EGFR: variants seen among roughly 807,000 people sequenced by gnomAD.
EGFR encodes epidermal growth factor receptor.
In EGFR, 58 loss-of-function variants were observed where a neutral mutation model predicts 143.0. That is an observed-to-expected ratio of 0.41 (90% CI 0.33 to 0.50). EGFR has a LOEUF of 0.50. EGFR is among the 20% of genes least tolerant of loss of function. EGFR has a pLI of 0.39. For missense variants in EGFR, 1,307 were observed against 1,579.0 expected (o/e 0.83, Z 2.92); for synonymous variants, 613 against 594.4 (o/e 1.03, Z -0.45).
chr7:55,189,324 G>A lies in EGFR; in HGVS notation c.2470-2395G>A, dbSNP rs370626474. Among the ~76,000 whole-genome samples, 16 of 152,134 alleles carry A rather than the reference G, an allele frequency of 1.1e-4. 1 individual carries two copies. Among genetic ancestry groups the A allele is most frequent in the Admixed American group, 7.9e-4 (12 of 15,276 alleles). On this transcript the variant is annotated intron_variant, in intron 20 of 27. Coordinates refer to ENST00000275493, the MANE Select transcript of EGFR (RefSeq NM_005228.5). ...CCCCAGGTCATCTAACGAGGTGGTCGTGTGGGGACTGGGATAGAAAAGGTG... is the reference window on the plus strand; with the variant it reads ...CCCCAGGTCATCTAACGAGGTGGTCATGTGGGGACTGGGATAGAAAAGGTG...
chr7:55,195,715 T>A (rs940744752), intron 22 of EGFR, among the ~76,000 whole-genome samples: 1 of 152,162 alleles, frequency 6.6e-6, no homozygotes, highest in African/African-American at 2.4e-5. Context: ...TGTTCCCCTC[T>A]AAGTGTCCAT....
At chr7:55,148,355 C>T (rs1248196308) in intron 4 of EGFR, among the ~76,000 whole-genome samples, 12 of 151,896 alleles carry the variant, frequency 7.9e-5, no homozygotes, top group Non-Finnish European at 1.8e-4. Flanking sequence ...TGGCAGGTCT[C>T]CATGTTCTGT....
Position 55,161,542 on chromosome 7 carries a change from C to T in EGFR, c.1542C>T (p.Gly514=), listed in dbSNP as rs1482236193. The T allele has an allele frequency of 6.2e-7, 1 of 1,614,274 alleles. No individual in the cohort carries two copies. ...GCCATGCCTTGTGCTCCCCCGAGGG[C>T]TGCTGGGGCCCGGAGCCCAGGGACT... ...QVCHALCSPE[G]CWGPEPRDCV... The change falls in exon 13 of 28, where the codon GGC becomes GGT. Residue 514 remains glycine (G), a synonymous_variant. Coordinates refer to ENST00000275493, the MANE Select transcript of EGFR (RefSeq NM_005228.5).
rs748219780 is a variant in EGFR at position 55,163,779 on chromosome 7, C to T, written c.1678C>T (p.Pro560Ser). The change falls in exon 14 of 28, where the codon CCA becomes TCA. Residue 560 changes from proline (P) to serine (S), a missense_variant. Transcript: ENST00000275493. The part of the protein sequence containing the change: ...VENSECIQCH[P>S]ECLPQAMNIT... ...GAACTCTGAGTGCATACAGTGCCAC[C>T]CAGAGTGCCTGCCTCAGGCCATGAA... The T allele has an allele frequency of 6.2e-7, 1 of 1,614,198 alleles. No individual in the cohort carries two copies. Among genetic ancestry groups the T allele is most frequent in the South Asian group, 1.1e-5 (1 of 91,084 alleles).
intron 3 of EGFR, among the ~76,000 whole-genome samples, chr7:55,143,909 G>A (rs562773048): frequency 1.4e-4 from 22 of 152,238 alleles, no homozygotes; most frequent in African/African-American, 3.6e-4. Context: ...TTCGAGAGTC[G>A]CGCTGCTACA....
In EGFR at chr7:55,151,265, G is replaced by C. The variant is rs756965461; in HGVS notation, c.560-29G>C. On this transcript the variant is annotated intron_variant, in intron 4 of 27. Transcript: ENST00000275493. Reference sequence around the variant, plus strand: ...CATCAGTTTCTCATCATTTCACTGAGATATGCATCTATTACTTTTACATTT... The same window carrying C: ...CATCAGTTTCTCATCATTTCACTGACATATGCATCTATTACTTTTACATTT... 11 of 1,610,736 alleles carry C rather than the reference G, an allele frequency of 6.8e-6. No homozygotes were observed. In the South Asian group the frequency reaches 1.2e-4, roughly 18 times the overall value.
At chr7:55,022,377 G>A (rs938212585) in intron 1 of EGFR, among the ~76,000 whole-genome samples, 6 of 150,440 alleles carry the variant, frequency 4.0e-5, no homozygotes, top group African/African-American at 1.2e-4. Context: ...ACCAAAGTGG[G>A]GATATTAATG....
intron 15 of EGFR, among the ~76,000 whole-genome samples, chr7:55,170,089 G>A (rs898819604): frequency 1.3e-5 from 2 of 152,086 alleles, no homozygotes; most frequent in African/African-American, 4.8e-5. Flanking sequence ...CTGTGTGTTT[G>A]GTTTATGAAC....
intron 1 of EGFR, among the ~76,000 whole-genome samples, chr7:55,078,137 T>A (rs1790236083): frequency 6.6e-6 from 1 of 152,088 alleles, no homozygotes; most frequent in Non-Finnish European, 1.5e-5. Flanking sequence ...CACCGTGCCG[T>A]GTTCCTGTCC....
At chr7:55,057,327 G>A (rs1349009519) in intron 1 of EGFR, among the ~76,000 whole-genome samples, 10 of 152,258 alleles carry the variant, frequency 6.6e-5, no homozygotes, top group Admixed American at 1.3e-4. Flanking sequence ...ATCCATACCC[G>A]CAATCACCAG....
intron 1 of EGFR, among the ~76,000 whole-genome samples, chr7:55,080,067 T>A (rs1331688559): frequency 6.6e-6 from 1 of 152,212 alleles, no homozygotes; most frequent in African/African-American, 2.4e-5. Flanking sequence ...GTTTGAGAAG[T>A]CTGCACCAAA....
chr7:55,144,339 G>A (rs1017642872), intron 3 of EGFR, among the ~76,000 whole-genome samples: 11 of 152,192 alleles, frequency 7.2e-5, no homozygotes, highest in Non-Finnish European at 1.5e-4. Context: ...CTCTGCCATC[G>A]TACAAATAAA....
At position 55,171,207 on chromosome 7, in the gene EGFR, C is replaced by T. The variant is rs571064657; in HGVS notation, c.1913C>T (p.Thr638Met). The change falls in exon 16 of 28, where the codon ACG (threonine) becomes ATG (methionine). Residue 638 changes from threonine (T) to methionine (M), a missense_variant. Coordinates refer to ENST00000275493, the MANE Select transcript of EGFR (RefSeq NM_005228.5). The stretch of plus-strand genomic sequence containing the variant: ...GGGCCAGGTCTTGAAGGCTGTCCAA[C>T]GAATGGGTAAGTGTTCACAGCTCTG... ...CTGPGLEGCP[T>M]NGPKIPSIAT... is the part of the protein sequence containing the mutation. The T allele has an allele frequency of 7.4e-6, 12 of 1,614,218 alleles. No individual in the cohort carries two copies. The highest frequency in any genetic ancestry group is 3.3e-4 in the Middle Eastern group (2 of 6,062).
At chr7:55,109,682 C>T in intron 1 of EGFR, 1 of 967,080 alleles carries the variant, frequency 1.0e-6, no homozygotes, top group Non-Finnish European at 1.2e-6. Flanking sequence ...GATATCCTCT[C>T]CTGGTTTAGG....
chr7:55,124,262 A>T (rs1793387361), intron 1 of EGFR, among the ~76,000 whole-genome samples: 1 of 152,194 alleles, frequency 6.6e-6, no homozygotes, highest in Admixed American at 6.5e-5. Flanking sequence ...TTGTTCCAAC[A>T]TGTTTTATTG....
At chr7:55,137,181 TG>T (rs1196686934) in intron 1 of EGFR, among the ~76,000 whole-genome samples, 1 of 152,068 alleles carries the variant, frequency 6.6e-6, no homozygotes, top group Non-Finnish European at 1.5e-5. Context: ...ACCTCGAAGA[TG>T]CAAAGGAAGC....
At chr7:55,094,844 T>C (rs1467474908) in intron 1 of EGFR, among the ~76,000 whole-genome samples, 2 of 152,196 alleles carry the variant, frequency 1.3e-5, no homozygotes, top group African/African-American at 2.4e-5. Flanking sequence ...GTAAAACAAA[T>C]ATTTCTTAAA....
chr7:55,125,440 G>A (rs1432769628), intron 1 of EGFR, among the ~76,000 whole-genome samples: 2 of 152,120 alleles, frequency 1.3e-5, no homozygotes. Context: ...CTGTCACCAG[G>A]GCACTGCCAG....
At position 55,088,170 on chromosome 7, in the gene EGFR, G is replaced by T. The variant is rs554280497; in HGVS notation, c.89-54116G>T. ...GCCCCCACAAAGCCTGAGGTACATG[G>T]AAAGGAGCAGTGGTCTGGCTCCCAG... On this transcript the variant is annotated intron_variant, in intron 1 of 27. Coordinates refer to ENST00000275493, the MANE Select transcript of EGFR (RefSeq NM_005228.5). Among the ~76,000 whole-genome samples, 15 of 152,236 alleles carry T rather than the reference G, an allele frequency of 9.9e-5. No homozygotes were observed. The South Asian group carries it at 2.9e-3, about 30-fold the overall frequency.
Sources: gnomAD v4.1 joint callset for allele counts (sites outside exome capture counted in the v4.1 genomes callset) on GRCh38, gnomAD v4.1.1 for gene constraint, MANE v1.5 for transcripts, NCBI Gene and HGNC (gene_info 2026-07-23, HGNC 2026-07-21) for gene names.